The following RASGEF1C variants were observed in gnomAD, a reference collection of about 807,000 sequenced individuals.
The protein encoded by RASGEF1C is ras-GEF domain-containing family member 1C.
In RASGEF1C, 27 loss-of-function variants were observed where a neutral mutation model predicts 58.1. The observed-to-expected ratio is 0.46, with a 90% CI of 0.34 to 0.64. The LOEUF (loss-of-function observed/expected upper bound fraction) is 0.64. Ranked by LOEUF, RASGEF1C falls within the 30% of genes least tolerant of loss-of-function variation. RASGEF1C has a pLI of 0.01. For synonymous variants in RASGEF1C, 243 were observed against 246.3 expected, an observed-to-expected ratio of 0.99 and a Z score of 0.13; for missense variants, 502 against 605.1, an observed-to-expected ratio of 0.83 and a Z score of 1.79.
At chr5:180,182,056 T>G (rs1227930443) in intron 1 of RASGEF1C, among the ~76,000 whole-genome samples, 1 of 151,052 alleles carries the variant, frequency 6.6e-6, no homozygotes, top group African/African-American at 2.4e-5. Context: ...ACAAAAAAAA[T>G]TAGCCGGGCA....
chr5:180,204,722 C>T (rs10043453), intron 1 of RASGEF1C, among the ~76,000 whole-genome samples: 1 of 151,846 alleles, frequency 6.6e-6, no homozygotes, highest in African/African-American at 2.4e-5. Context: ...GTATTAGAGG[C>T]CTTTTTACTA....
In RASGEF1C at chr5:180,111,560, C is replaced by G; in HGVS notation, c.1200G>C (p.Lys400Asn). 6.2e-7 allele frequency: 1 copy of G among 1,614,180 alleles called. No individual in the cohort carries two copies. Among genetic ancestry groups the G allele is most frequent in the Non-Finnish European group, 8.5e-7 (1 of 1,179,992 alleles). ...TCCAGGTGATGAACTCCCCCACCTG[C>G]TTGGCCAGCTCCAGGAATTTCTGCC... Reference protein sequence around the residue: ...VNFEKFLELAKQVGEFITWKQ... With the variant: ...VNFEKFLELANQVGEFITWKQ... Residue 400 changes from lysine (K) to asparagine (N), a missense_variant, in exon 12 of 14, where the codon AAG becomes AAC. Transcript: ENST00000361132.
At chr5:180,115,115 A>G (rs1460909427) in intron 10 of RASGEF1C, 1 of 295,574 alleles carries the variant, frequency 3.4e-6, no homozygotes, top group Non-Finnish European at 6.8e-6. Flanking sequence ...CCCAGGTTCA[A>G]GTGATTCTCC....
chr5:180,136,767 T>A, intron 3 of RASGEF1C: 1 of 505,378 alleles, frequency 2.0e-6, no homozygotes, highest in South Asian at 2.5e-5. Context: ...CCCTGGTGAG[T>A]CTTCGCGCTG....
chr5:180,196,508 A>C (rs1370691061), intron 1 of RASGEF1C, among the ~76,000 whole-genome samples: 2 of 151,782 alleles, frequency 1.3e-5, no homozygotes, highest in Non-Finnish European at 2.9e-5. Flanking sequence ...CAAAAAAGAA[A>C]AAAAAAGAAA....
At chr5:180,200,470 A>C (rs900455925) in intron 1 of RASGEF1C, among the ~76,000 whole-genome samples, 6 of 151,416 alleles carry the variant, frequency 4.0e-5, no homozygotes, top group East Asian at 2.0e-4. Flanking sequence ...CCACCACGCC[A>C]GGCTAATTTT....
chr5:180,108,204 CTTTT>C (rs34249635), intron 12 of RASGEF1C, among the ~76,000 whole-genome samples: 1 of 124,972 alleles, frequency 8.0e-6, no homozygotes. Flanking sequence ...TTCTTTCTTT[CTTTT>C]TTTTTTTTTT....
At chr5:180,126,312 C>G (rs548005347) in intron 6 of RASGEF1C, among the ~76,000 whole-genome samples, 3 of 152,268 alleles carry the variant, frequency 2.0e-5, no homozygotes, top group African/African-American at 7.2e-5. Flanking sequence ...GAGGCTGAGG[C>G]AGGAGAACGG....
intron 6 of RASGEF1C, among the ~76,000 whole-genome samples, chr5:180,125,509 G>A (rs1053319452): frequency 1.3e-5 from 2 of 152,246 alleles, no homozygotes; most frequent in African/African-American, 4.8e-5. Context: ...CAGGCCGGGC[G>A]TGGTGGTTCA....
rs1766618509 is a variant in RASGEF1C at position 180,143,671 on chromosome 5, CAATT to C, written c.-6-5617_-6-5614del. Among the ~76,000 whole-genome samples, 3 of 152,144 alleles carry C rather than the reference CAATT, an allele frequency of 2.0e-5. No individual in the cohort carries two copies. Among genetic ancestry groups the C allele is most frequent in the African/African-American group, 7.2e-5 (3 of 41,426 alleles). On this transcript the variant is annotated intron_variant, in intron 1 of 13. Coordinates refer to ENST00000361132, the MANE Select transcript of RASGEF1C (RefSeq NM_175062.4). This position sits in a 1 kb window ranked among gnomAD's most constrained non-coding sequence, Gnocchi z 4.3. ...TTTCATATTGTGATTGTAAGGGTGG[CAATT>C]AATTCTATTTTTTTAAAAAGCCACT...
chr5:180,205,999 T>G (rs1253349352), intron 1 of RASGEF1C, among the ~76,000 whole-genome samples: 1 of 152,142 alleles, frequency 6.6e-6, no homozygotes, highest in Non-Finnish European at 1.5e-5. Context: ...CCTTCCCAAG[T>G]GCTGGGATTA....
intron 1 of RASGEF1C, among the ~76,000 whole-genome samples, chr5:180,173,652 C>T (rs188564717): frequency 2.9e-4 from 44 of 152,234 alleles, no homozygotes; most frequent in African/African-American, 5.1e-4. Context: ...CGGTGGCTCC[C>T]GCCTGTAGTC....
chr5:180,198,107 G>A lies in RASGEF1C; in HGVS notation c.-7+10921C>T, dbSNP rs1410468988. Among the ~76,000 whole-genome samples the A allele has an allele frequency of 1.3e-5, 2 of 152,206 alleles. No individual in the cohort carries two copies. The highest frequency in any genetic ancestry group is 4.8e-5 in the African/African-American group (2 of 41,438). Reference sequence around the variant, plus strand: ...GGACGCTTCCTGGACAGGCTTATGGGGCGTGGCAGTTTGGGGCACCATTGG... The same window carrying A: ...GGACGCTTCCTGGACAGGCTTATGGAGCGTGGCAGTTTGGGGCACCATTGG... On this transcript the variant is annotated intron_variant, in intron 1 of 13. Transcript: ENST00000361132. The surrounding 1 kb of genome is among the most constrained non-coding windows in gnomAD (Gnocchi z 4.5).
chr5:180,197,937 G>C lies in RASGEF1C; in HGVS notation c.-7+11091C>G, dbSNP rs988580545. On this transcript the variant is annotated intron_variant, in intron 1 of 13. Transcript: ENST00000361132. The surrounding 1 kb of genome is among the most constrained non-coding windows in gnomAD (Gnocchi z 4.7). ...CCACGCTTAGCGACATCCAATGCACGTAAAGCAGAAATTCCCCAATTAGGA... is the reference window on the plus strand; with the variant it reads ...CCACGCTTAGCGACATCCAATGCACCTAAAGCAGAAATTCCCCAATTAGGA... 6.6e-6 allele frequency among the ~76,000 whole-genome samples: 1 copy of C among 152,228 alleles called. No individual in the cohort carries two copies. The highest frequency in any genetic ancestry group is 2.4e-5 in the African/African-American group (1 of 41,462).
intron 8 of RASGEF1C, 98 bp downstream of exon 8, chr5:180,119,248 G>A: frequency 3.9e-6 from 4 of 1,031,712 alleles, no homozygotes; most frequent in Non-Finnish European, 6.0e-6. Flanking sequence ...CTGCTCAGAG[G>A]AGAGCCCTGG....
rs1766508674 is a variant in RASGEF1C, at chr5:180,137,739, C to T, written c.178-27G>A. ...TGGGGGACACACGAGAAAGAGGGCA[C>T]AGGCTCAGGAGGGCACCAGGAGGGG... On this transcript the variant is annotated intron_variant, in intron 2 of 13. Coordinates refer to ENST00000361132, the MANE Select transcript of RASGEF1C (RefSeq NM_175062.4). The surrounding 1 kb of genome is among the most constrained non-coding windows in gnomAD (Gnocchi z 4.1). 4 of 1,612,102 alleles carry T rather than the reference C, an allele frequency of 2.5e-6. No homozygotes were observed. The highest frequency in any genetic ancestry group is 3.4e-6 in the Non-Finnish European group (4 of 1,179,410).
intron 1 of RASGEF1C, among the ~76,000 whole-genome samples, chr5:180,202,924 G>A (rs1756420663): frequency 6.6e-6 from 1 of 151,900 alleles, no homozygotes; most frequent in Non-Finnish European, 1.5e-5. Context: ...GGATGGTCTC[G>A]ATCTCCTGAC....
chr5:180,131,489 G>A (rs1766369447), intron 4 of RASGEF1C, among the ~76,000 whole-genome samples: 1 of 152,158 alleles, frequency 6.6e-6, no homozygotes, highest in Admixed American at 6.5e-5. Context: ...GGTGTTCAGT[G>A]CTGTGAGCCC....
In RASGEF1C at chr5:180,204,616, C is replaced by CTCTATCTATCTA. The variant is rs56101660; in HGVS notation, c.-7+4400_-7+4411dup. On this transcript the variant is annotated intron_variant, in intron 1 of 13. Transcript: ENST00000361132. ...ATAAAATAGGAGTCAATGGATATTC[C>CTCTATCTATCTA]TCTATCTATCTATCTATCTATCTAT... 6.3e-3 allele frequency among the ~76,000 whole-genome samples: 935 copies of CTCTATCTATCTA among 149,218 alleles called. 9 individuals carry two copies. The highest frequency in any genetic ancestry group is 0.021 in the Middle Eastern group (6 of 288).
Sources: allele counts gnomAD v4.1 joint callset (sites outside exome capture counted in the v4.1 genomes callset), GRCh38; gene constraint gnomAD v4.1.1; non-coding constraint Gnocchi (gnomAD v3.1); transcripts MANE v1.5; gene names NCBI Gene and HGNC (gene_info 2026-07-23, HGNC 2026-07-21).